The following ADAM15 variants were observed in gnomAD, a reference collection of about 807,000 sequenced individuals.
ADAM15 encodes the protein disintegrin and metalloproteinase domain-containing protein 15.
A neutral mutation model predicts 113.8 loss-of-function variants in ADAM15; 77 were observed. The observed-to-expected ratio is 0.68, with a 90% CI of 0.56 to 0.82. The LOEUF (loss-of-function observed/expected upper bound fraction) is 0.82. Ranked by LOEUF, ADAM15 falls within the 40% of genes least tolerant of loss-of-function variation. The pLI is 0.00. For synonymous variants in ADAM15, 388 were observed against 454.1 expected, an observed-to-expected ratio of 0.85 and a Z score of 1.85; for missense variants, 963 against 1,120.1, an observed-to-expected ratio of 0.86 and a Z score of 2.00.
intron 6 of ADAM15, 103 bp downstream of exon 6, chr1:155,054,609 G>A (rs2102394923): frequency 7.8e-7 from 1 of 1,275,300 alleles, no homozygotes; most frequent in Non-Finnish European, 1.0e-6. Flanking sequence ...TGCGAATGGA[G>A]CACTTTCCAC....
Position 155,058,303 on chromosome 1 carries a change from C to T in ADAM15, c.1779C>T (p.Gly593=), listed in dbSNP as rs942891972. 46 of 1,613,952 alleles carry T rather than the reference C, an allele frequency of 2.9e-5. No homozygotes were observed. The highest frequency in any genetic ancestry group is 1.3e-4 in the East Asian group (6 of 44,892). The change falls in exon 15 of 23, where the codon GGC becomes GGT. Residue 593 remains glycine, a synonymous_variant. Coordinates refer to ENST00000356955, the MANE Select transcript of ADAM15 (RefSeq NM_207197.3). The surrounding 1 kb of genome is among the most constrained non-coding windows in gnomAD (Gnocchi z 4.3). ...CAGGTAGGACCCAGCCTCTGCTGGG[C>T]TCCATCCGGGATCTACTCTGGGAGA... ...CQTGRTQPLL[G]SIRDLLWETI...
chr1:155,060,976 G>GCCCTC, intron 19 of ADAM15, 144 bp downstream of exon 19: 1 of 776,914 alleles, frequency 1.3e-6, no homozygotes, highest in Non-Finnish European at 2.0e-6. Context: ...GGCCAGCCCT[G>GCCCTC]CCCTCCCCTC....
chr1:155,060,896 G>A, intron 19 of ADAM15, 64 bp downstream of exon 19: 1 of 1,486,554 alleles, frequency 6.7e-7, no homozygotes, highest in South Asian at 1.1e-5. Flanking sequence ...TGGGCCCTGG[G>A]GGGTGCGCAT....
Position 155,056,822 on chromosome 1 carries a change from C to A in ADAM15, c.1000-131C>A. On this transcript the variant is annotated intron_variant, in intron 10 of 22. Transcript: ENST00000356955. The surrounding 1 kb of genome is among the most constrained non-coding windows in gnomAD (Gnocchi z 4.0). ...GGGTTCTCCTACTTTAGAAGCAATT[C>A]AGGAGGGAAGCAGTGCCTGCTGAGT... The A allele has an allele frequency of 7.5e-7, 1 of 1,326,808 alleles. No individual in the cohort carries two copies. The highest frequency in any genetic ancestry group is 1.0e-6 in the Non-Finnish European group (1 of 969,660). The allele number at this position is 1,326,808 out of a possible 1,614,324, so 82.2% of individuals were successfully genotyped here. A position where few individuals can be genotyped will look rare whatever the true frequency, so the allele number is the denominator to read the frequency against.
intron 6 of ADAM15, 50 bp downstream of exon 6, chr1:155,054,556 C>A (rs774334727): frequency 6.6e-7 from 1 of 1,507,296 alleles, no homozygotes; most frequent in Non-Finnish European, 8.9e-7. Context: ...GAGGGCTGAT[C>A]CCCAGACACT....
chr1:155,060,215 C>G lies in ADAM15; in HGVS notation c.2079C>G (p.Ser693=). The change falls in exon 18 of 23, where the codon TCC becomes TCG. Residue 693 remains serine, a synonymous_variant. Transcript: ENST00000356955. ...GACTTCCGCCCACAGCAACCAGCTC[C>G]CTGACCACAGGGCTGCTCCTCAGCC... ...DCTTQLKATS[S]LTTGLLLSLL... is the part of the protein sequence containing the mutation. 1 of 1,614,044 alleles carries G rather than the reference C, an allele frequency of 6.2e-7. No individual in the cohort carries two copies. Among genetic ancestry groups the G allele is most frequent in the Non-Finnish European group, 8.5e-7 (1 of 1,179,946 alleles).
intron 3 of ADAM15, 147 bp downstream of exon 3, chr1:155,053,640 T>G: frequency 1.1e-6 from 1 of 899,086 alleles, no homozygotes; most frequent in Non-Finnish European, 1.7e-6. Context: ...TGTCCTCACT[T>G]TATACATGAG....
Position 155,055,778 on chromosome 1 carries a change from T to G in ADAM15, c.613-12T>G. The stretch of plus-strand genomic sequence containing the variant: ...GGCAGGTTTGCCTGATAATTCTTCT[T>G]GTCCATAGTAGAGGCGGGATGTGGT... On this transcript the variant is annotated splice_polypyrimidine_tract_variant and intron_variant, in intron 6 of 22. Coordinates refer to ENST00000356955, the MANE Select transcript of ADAM15 (RefSeq NM_207197.3). 6.2e-7 allele frequency: 1 copy of G among 1,614,162 alleles called. No homozygotes were observed. Among genetic ancestry groups the G allele is most frequent in the Non-Finnish European group, 8.5e-7 (1 of 1,180,022 alleles).
Position 155,057,708 on chromosome 1 carries a change from A to C in ADAM15, c.1395A>C (p.Gly465=). ...LRPGAQCASD[G]PCCQNCQLRP... Reference sequence around the variant, plus strand: ...CAGGTGCACAGTGTGCATCTGACGGACCCTGTTGTCAAAATTGCCAGGTGG... The same window carrying C: ...CAGGTGCACAGTGTGCATCTGACGGCCCCTGTTGTCAAAATTGCCAGGTGG... Residue 465 remains glycine, a synonymous_variant, in exon 13 of 23, where the codon GGA becomes GGC. Coordinates refer to ENST00000356955, the MANE Select transcript of ADAM15 (RefSeq NM_207197.3). The surrounding 1 kb of genome is among the most constrained non-coding windows in gnomAD (Gnocchi z 5.0). The C allele has an allele frequency of 1.2e-6, 2 of 1,614,174 alleles. No homozygotes were observed. The highest frequency in any genetic ancestry group is 1.7e-6 in the Non-Finnish European group (2 of 1,180,020).
chr1:155,062,348 C>T lies in ADAM15; in HGVS notation c.2528C>T (p.Pro843Leu). Reference sequence around the variant, plus strand: ...CTGCCCGGCCCAGGGGCTGGAATCCCGCCCCTAGTGGTACCCTCCAGGTAG... The same window carrying T: ...CTGCCCGGCCCAGGGGCTGGAATCCTGCCCCTAGTGGTACCCTCCAGGTAG... ...GDLPGPGAGI[P>L]PLVVPSRPAP... Residue 843 changes from proline to leucine, a missense_variant, in exon 22 of 23, where the codon CCG (proline) becomes CTG (leucine). By Grantham distance (98) the Pro-to-Leu change is moderately conservative (BLOSUM62 -3). Coordinates refer to ENST00000356955, the MANE Select transcript of ADAM15 (RefSeq NM_207197.3). This position sits in a 1 kb window ranked among gnomAD's most constrained non-coding sequence, Gnocchi z 7.0. 6.4e-7 allele frequency: 1 copy of T among 1,573,672 alleles called. No individual in the cohort carries two copies. Among genetic ancestry groups the T allele is most frequent in the Non-Finnish European group, 8.6e-7 (1 of 1,158,708 alleles).
rs939137921 is a variant in ADAM15 at position 155,056,920 on chromosome 1, G to T, written c.1000-33G>T. The T allele has an allele frequency of 1.3e-6, 2 of 1,530,216 alleles. No homozygotes were observed. Among genetic ancestry groups the T allele is most frequent in the Non-Finnish European group, 8.8e-7 (1 of 1,137,404 alleles). The allele number at this position is 1,530,216 out of a possible 1,614,324, so 94.8% of individuals were successfully genotyped here. ...GGGCATTGTGGTGGAGGCAGGCTGGGACTGGACCTACAGTACCCCTCCCCA... is the reference window on the plus strand; with the variant it reads ...GGGCATTGTGGTGGAGGCAGGCTGGTACTGGACCTACAGTACCCCTCCCCA... On this transcript the variant is annotated intron_variant, in intron 10 of 22. Coordinates refer to ENST00000356955, the MANE Select transcript of ADAM15 (RefSeq NM_207197.3). The surrounding 1 kb of genome is among the most constrained non-coding windows in gnomAD (Gnocchi z 4.0).
In ADAM15 at chr1:155,056,402, G is replaced by C. The variant is rs747531049; in HGVS notation, c.931G>C (p.Gly311Arg). ...AQLVTGTSFS[G>R]PTVGMAIQNS... ...GTCCCACAGTGGTACTTCATTCTCT[G>C]GGCCTACGGTGGGCATGGCCATTCA... Residue 311 changes from glycine (G) to arginine (R), a missense_variant, in exon 10 of 23, where the codon GGG (glycine) becomes CGG (arginine). Gly to Arg is a moderately radical substitution (Grantham distance 125). Transcript: ENST00000356955. This position sits in a 1 kb window ranked among gnomAD's most constrained non-coding sequence, Gnocchi z 4.0. The C allele has an allele frequency of 1.2e-6, 2 of 1,614,106 alleles. No individual in the cohort carries two copies. The highest frequency in any genetic ancestry group is 2.2e-5 in the East Asian group (1 of 44,878).
Position 155,056,067 on chromosome 1 carries a change from A to G in ADAM15, c.745-13A>G. 2.5e-6 allele frequency: 4 copies of G among 1,612,214 alleles called. No homozygotes were observed. Among genetic ancestry groups the G allele is most frequent in the Non-Finnish European group, 3.4e-6 (4 of 1,179,694 alleles). On this transcript the variant is annotated splice_polypyrimidine_tract_variant and intron_variant, in intron 8 of 22. Coordinates refer to ENST00000356955, the MANE Select transcript of ADAM15 (RefSeq NM_207197.3). The surrounding 1 kb of genome is among the most constrained non-coding windows in gnomAD (Gnocchi z 4.0). ...CATGGCAACCCCTCTTCTGAGCCCC[A>G]GCTGTCTTTCAGTTCTTCCGGCCCC...
At chr1:155,055,374 C>T (rs948727150) in intron 6 of ADAM15, 10 of 192,296 alleles carry the variant, frequency 5.2e-5, no homozygotes, top group South Asian at 2.7e-4. Context: ...TACAGGCGCC[C>T]GCCACTACAC....
In ADAM15 at chr1:155,056,305, C is replaced by A; in HGVS notation, c.914+56C>A. The A allele has an allele frequency of 6.2e-7, 1 of 1,610,664 alleles. No individual in the cohort carries two copies. Among genetic ancestry groups the A allele is most frequent in the Non-Finnish European group, 8.5e-7 (1 of 1,177,568 alleles). ...AGTCCTGTCCTGGCCAAATTCACAC[C>A]CCTTCAGCACCCTACCTCAGCCCCT... On this transcript the variant is annotated intron_variant, in intron 9 of 22. Transcript: ENST00000356955. The surrounding 1 kb of genome is among the most constrained non-coding windows in gnomAD (Gnocchi z 4.0).
In ADAM15 at chr1:155,054,405, G is replaced by C; in HGVS notation, c.511G>C (p.Asp171His). The C allele has an allele frequency of 6.2e-7, 1 of 1,614,006 alleles. No homozygotes were observed. The highest frequency in any genetic ancestry group is 8.5e-7 in the Non-Finnish European group (1 of 1,179,980). The change falls in exon 6 of 23, where the codon GAT becomes CAT. Residue 171 changes from aspartate (D) to histidine (H), a missense_variant. Asp to His is a moderately conservative substitution (Grantham distance 81). Transcript: ENST00000356955. ...QGPPIISRIQ[D>H]LHLPGHTCAL... is the part of the protein sequence containing the mutation. The stretch of plus-strand genomic sequence containing the variant: ...TCCTCCCATTATTTCGCGAATCCAA[G>C]ATCTCCACCTGCCAGGCCACACCTG...
rs775461059 is a variant in ADAM15, at chr1:155,054,421, G to A, written c.527G>A (p.Gly176Asp). Residue 176 changes from glycine to aspartate, a missense_variant, in exon 6 of 23, where the codon GGC becomes GAC. Transcript: ENST00000356955. ...CGAATCCAAGATCTCCACCTGCCAG[G>A]CCACACCTGTGCCCTGAGCTGGCGG... ...ISRIQDLHLP[G>D]HTCALSWRES... is the part of the protein sequence containing the mutation. 2.5e-6 allele frequency: 4 copies of A among 1,613,876 alleles called. No individual in the cohort carries two copies. The Admixed American group carries it at 6.7e-5, about 27-fold the overall frequency.
At position 155,057,036 on chromosome 1, in the gene ADAM15, T is replaced by G; in HGVS notation, c.1083T>G (p.Pro361=). The G allele has an allele frequency of 6.2e-7, 1 of 1,607,332 alleles. No individual in the cohort carries two copies. Among genetic ancestry groups the G allele is most frequent in the Non-Finnish European group, 8.5e-7 (1 of 1,175,828 alleles). The part of the protein sequence containing the change: ...GHSLGLDHDL[P]GNSCPCPGPA... The stretch of plus-strand genomic sequence containing the variant: ...GCCTGGGCCTGGACCATGATTTGCC[T>G]GGGAATAGCTGCCCCTGTCCAGGTC... The change falls in exon 11 of 23, where the codon CCT becomes CCG. Residue 361 remains proline, a synonymous_variant. Transcript: ENST00000356955. This position sits in a 1 kb window ranked among gnomAD's most constrained non-coding sequence, Gnocchi z 5.0.
Position 155,056,219 on chromosome 1 carries a change from G to A in ADAM15, c.884G>A (p.Arg295Gln), listed in dbSNP as rs779369135. ...LHWRRAHLLP[R>Q]LPHDSAQLVT... ...TGGCGCAGGGCACATTTGCTGCCTC[G>A]ATTGCCCCATGACAGTGCCCAGCTG... is the stretch of plus-strand genomic sequence containing the variant. The change falls in exon 9 of 23, where the codon CGA (arginine) becomes CAA (glutamine). Residue 295 changes from arginine to glutamine, a missense_variant. Physicochemically the swap from Arg to Gln is conservative, Grantham distance 43. Transcript: ENST00000356955. The surrounding 1 kb of genome is among the most constrained non-coding windows in gnomAD (Gnocchi z 4.0). 11 of 1,613,922 alleles carry A rather than the reference G, an allele frequency of 6.8e-6. No homozygotes were observed. The highest frequency in any genetic ancestry group is 1.7e-5 in the Admixed American group (1 of 60,020).
Sources: allele counts gnomAD v4.1 joint callset, GRCh38; gene constraint gnomAD v4.1.1; non-coding constraint Gnocchi (gnomAD v3.1); transcripts MANE v1.5; gene names NCBI Gene and HGNC (gene_info 2026-07-23, HGNC 2026-07-21).